Variants in FXR2 observed in about 807,000 individuals in gnomAD.
FXR2 encodes the protein RNA-binding protein FXR2.
In FXR2, 9 loss-of-function variants were observed where a neutral mutation model predicts 87.3. The ratio of observed to expected loss-of-function variants is 0.10; its 90% confidence interval spans 0.06 to 0.18. The LOEUF (loss-of-function observed/expected upper bound fraction) is 0.18. Ranked by LOEUF, FXR2 falls within the 10% of genes least tolerant of loss-of-function variation. FXR2 has a pLI of 1.00. For synonymous variants in FXR2, 331 were observed against 328.3 expected, an observed-to-expected ratio of 1.01 and a Z score of -0.09; for missense variants, 661 against 893.6, an observed-to-expected ratio of 0.74 and a Z score of 3.32.
chr17:7,596,275 G>A (rs1023023736), intron 7 of FXR2: 1 of 267,888 alleles, frequency 3.7e-6, no homozygotes, highest in South Asian at 5.1e-5. Context: ...CTCATGCCTC[G>A]GCCTCCTGAG....
intron 1 of FXR2, among the ~76,000 whole-genome samples, chr17:7,610,065 CATAT>C (rs199914980): frequency 1.0e-4 from 12 of 115,392 alleles, no homozygotes; most frequent in African/African-American, 4.3e-4. Flanking sequence ...CACACACACA[CATAT>C]ATATAAATTA....
intron 1 of FXR2, chr17:7,614,238 T>A (rs981177158): frequency 1.3e-5 from 9 of 686,526 alleles, no homozygotes; most frequent in Admixed American, 6.1e-5. Flanking sequence ...GAGATGGGGG[T>A]AGAAGCAGGT....
chr17:7,614,416 TA>T, intron 1 of FXR2, 35 bp downstream of exon 1: 1 of 1,456,270 alleles, frequency 6.9e-7, no homozygotes, highest in Non-Finnish European at 9.3e-7. Context: ...GGGAGGGGGC[TA>T]AGGACCGGCG....
At position 7,608,127 on chromosome 17, in the gene FXR2, T is replaced by A. The variant is rs532741364; in HGVS notation, c.82-1978A>T. Among the ~76,000 whole-genome samples, 155 of 151,264 alleles carry A rather than the reference T, an allele frequency of 1.0e-3. 1 individual carries two copies. The highest frequency in any genetic ancestry group is 3.4e-3 in the Middle Eastern group (1 of 294). On this transcript the variant is annotated intron_variant, in intron 1 of 16. Transcript: ENST00000250113. ...TTTTTAATATATTTTTAAATTAAAA[T>A]TTTTTTTTAATAGAGACAGGGTTTC...
rs1181952922 is a variant in FXR2, at chr17:7,591,717, A to AC, written c.*112dup. ...TGGGGGGTACCCAAGCTGCTGTGCC[A>AC]CCCCCCTCCCCCCTAGATAAGAGCA... On this transcript the variant is annotated 3_prime_UTR_variant, in exon 17 of 17. Transcript: ENST00000250113. The surrounding 1 kb of genome is among the most constrained non-coding windows in gnomAD (Gnocchi z 4.0). The AC allele has an allele frequency of 2.7e-6, 2 of 728,546 alleles. No individual in the cohort carries two copies. Among genetic ancestry groups the AC allele is most frequent in the East Asian group, 2.7e-5 (1 of 37,292 alleles). 45.1% of individuals were successfully genotyped at this position (728,546 alleles called of 1,614,324 possible).
intron 1 of FXR2, among the ~76,000 whole-genome samples, chr17:7,611,716 C>G (rs986953824): frequency 6.6e-6 from 1 of 151,748 alleles, no homozygotes; most frequent in African/African-American, 2.4e-5. Context: ...CAACAGGGCC[C>G]AATTCTGAGA....
rs775066606 is a variant in FXR2 at position 7,592,654 on chromosome 17, T to C, written c.1729+40A>G. ...CATCCAACCTCCCACCCTCGATTCC[T>C]ACCCATCTCTAACTTTCCAGACCCC... On this transcript the variant is annotated intron_variant, in intron 14 of 16. Transcript: ENST00000250113. The surrounding 1 kb of genome is among the most constrained non-coding windows in gnomAD (Gnocchi z 4.8). The C allele has an allele frequency of 1.9e-6, 3 of 1,612,474 alleles. No individual in the cohort carries two copies. Among genetic ancestry groups the C allele is most frequent in the East Asian group, 4.5e-5 (2 of 44,850 alleles).
intron 1 of FXR2, among the ~76,000 whole-genome samples, chr17:7,607,190 T>C (rs973627813): frequency 6.6e-6 from 1 of 151,752 alleles, no homozygotes; most frequent in Non-Finnish European, 1.5e-5. Context: ...TGGTGGTGCA[T>C]GTCTGTAATC....
Position 7,592,044 on chromosome 17 carries a change from CTGATCTCA to C in FXR2, c.1927-127_1927-120del. On this transcript the variant is annotated intron_variant, in intron 16 of 16. Coordinates refer to ENST00000250113, the MANE Select transcript of FXR2 (RefSeq NM_004860.4). The surrounding 1 kb of genome is among the most constrained non-coding windows in gnomAD (Gnocchi z 4.8). Reference sequence around the variant, plus strand: ...ATTTGGTGATCCAGAGGTTGGTTCCCTGATCTCATGATCCAGTCTCTCTTACTTGGGAT... The same window carrying C: ...ATTTGGTGATCCAGAGGTTGGTTCCCTGATCCAGTCTCTCTTACTTGGGAT... 1 of 1,340,550 alleles carries C rather than the reference CTGATCTCA, an allele frequency of 7.5e-7. No homozygotes were observed. Among genetic ancestry groups the C allele is most frequent in the South Asian group, 1.5e-5 (1 of 67,016 alleles). 83.0% of individuals were successfully genotyped at this position (1,340,550 alleles called of 1,614,324 possible).
At position 7,602,932 on chromosome 17, in the gene FXR2, T is replaced by C; in HGVS notation, c.520A>G (p.Thr174Ala). 4 of 1,547,372 alleles carry C rather than the reference T, an allele frequency of 2.6e-6. No individual in the cohort carries two copies. In the East Asian group the frequency reaches 9.0e-5, roughly 35 times the overall value. The change falls in exon 6 of 17, where the codon ACA becomes GCA. Residue 174 changes from threonine to alanine, a missense_variant. By Grantham distance (58) the Thr-to-Ala change is moderately conservative (BLOSUM62 0). Coordinates refer to ENST00000250113, the MANE Select transcript of FXR2 (RefSeq NM_004860.4). The part of the protein sequence containing the change: ...LGANCIFLNI[T>A]NSELFILSTT... ...ACCAGAATGAAGAGCTCACTGTTTG[T>C]GATGTTGAGAAAGATGCAGTTGGCT...
At chr17:7,597,657 C>T (rs1404585011) in intron 7 of FXR2, among the ~76,000 whole-genome samples, 1 of 152,162 alleles carries the variant, frequency 6.6e-6, no homozygotes, top group Non-Finnish European at 1.5e-5. Flanking sequence ...AATCCACCTG[C>T]CTCGGCTTCC....
chr17:7,600,225 T>C (rs1355991414), intron 7 of FXR2, among the ~76,000 whole-genome samples: 1 of 149,318 alleles, frequency 6.7e-6, no homozygotes. Context: ...TGAGACAGAG[T>C]TTCACTCTTG....
intron 1 of FXR2, among the ~76,000 whole-genome samples, chr17:7,609,930 G>GTATATATATGTATATGTATACA (rs2071837291): frequency 3.8e-5 from 3 of 78,966 alleles, no homozygotes; most frequent in African/African-American, 1.5e-4. Context: ...ACATGTATAT[G>GTATATATATGTATATGTATACA]TATATATATA....
chr17:7,601,279 T>C (rs559943678), intron 7 of FXR2, 130 bp downstream of exon 7: 2 of 628,322 alleles, frequency 3.2e-6, no homozygotes, highest in East Asian at 2.7e-5. Context: ...ATAAAATAGC[T>C]GACCCAGGTT....
At position 7,606,281 on chromosome 17, in the gene FXR2, C is replaced by G. The variant is rs973259502; in HGVS notation, c.82-132G>C. The stretch of plus-strand genomic sequence containing the variant: ...TAGGGACACAAGTGGTGTAATGAGA[C>G]AGCCTGAAAGGCTGCACTGGGGAAA... On this transcript the variant is annotated intron_variant, in intron 1 of 16. Coordinates refer to ENST00000250113, the MANE Select transcript of FXR2 (RefSeq NM_004860.4). 5 of 638,318 alleles carry G rather than the reference C, an allele frequency of 7.8e-6. No individual in the cohort carries two copies. The Admixed American group carries it at 8.0e-5, about 10-fold the overall frequency. 39.5% of individuals were successfully genotyped at this position (638,318 alleles called of 1,614,324 possible). A position where few individuals can be genotyped will look rare whatever the true frequency, so the allele number is the denominator to read the frequency against.
chr17:7,602,037 A>G (rs1411856781), intron 6 of FXR2, among the ~76,000 whole-genome samples: 1 of 152,216 alleles, frequency 6.6e-6, no homozygotes, highest in Non-Finnish European at 1.5e-5. Flanking sequence ...AGGAGCAAGC[A>G]TAAGGTGAGA....
At chr17:7,608,291 C>T (rs1209935738) in intron 1 of FXR2, among the ~76,000 whole-genome samples, 1 of 151,538 alleles carries the variant, frequency 6.6e-6, no homozygotes, top group Non-Finnish European at 1.5e-5. Context: ...CCAGCACTGT[C>T]TGTTGAAGAC....
intron 6 of FXR2, 138 bp downstream of exon 6, chr17:7,602,771 G>A (rs1472855703): frequency 1.7e-6 from 1 of 578,366 alleles, no homozygotes; most frequent in Non-Finnish European, 3.1e-6. Flanking sequence ...TGGGCCTGTA[G>A]GAGTCAGGAG....
chr17:7,598,620 C>A (rs1319125212), intron 7 of FXR2, among the ~76,000 whole-genome samples: 1 of 152,174 alleles, frequency 6.6e-6, no homozygotes, highest in Non-Finnish European at 1.5e-5. Context: ...GCTCACTCTG[C>A]GCTAACTACA....
Sources: gnomAD v4.1 joint callset for allele counts (sites outside exome capture counted in the v4.1 genomes callset) on GRCh38, gnomAD v4.1.1 for gene constraint, Gnocchi (gnomAD v3.1) non-coding constraint, MANE v1.5 for transcripts, NCBI Gene and HGNC (gene_info 2026-07-23, HGNC 2026-07-21) for gene names.